The following SLIRP variants were observed in gnomAD, a reference collection of about 807,000 sequenced individuals.
SLIRP encodes the protein SRA stem-loop-interacting RNA-binding protein, mitochondrial.
In SLIRP, 12 loss-of-function variants were observed where a neutral mutation model predicts 13.4. The ratio of observed to expected loss-of-function variants is 0.89; its 90% CI spans 0.57 to 1.45. The LOEUF (loss-of-function observed/expected upper bound fraction) is 1.45, where lower values mean the gene tolerates loss of function less well. SLIRP is among the 40% of genes most tolerant of loss of function. The pLI is 0.00. For missense variants in SLIRP, 154 were observed against 132.2 expected (o/e 1.17, Z -0.81); for synonymous variants, 55 against 47.1 (o/e 1.17, Z -0.69).
chr14:77,712,981 T>C (rs1406097720), intron 2 of SLIRP, among the ~76,000 whole-genome samples: 7 of 151,314 alleles, frequency 4.6e-5, no homozygotes, highest in African/African-American at 1.5e-4. Flanking sequence ...TTACTTTCGC[T>C]GTATTCTTTT....
intron 2 of SLIRP, 29 bp downstream of exon 2, chr14:77,710,925 G>A (rs2080435401): frequency 2.5e-6 from 4 of 1,607,124 alleles, no homozygotes; most frequent in Non-Finnish European, 3.4e-6. Flanking sequence ...TAGGTGGGAG[G>A]TGGGGATGGC....
intron 3 of SLIRP, 48 bp downstream of exon 3, chr14:77,715,927 C>T: frequency 7.5e-7 from 1 of 1,328,120 alleles, no homozygotes; most frequent in South Asian, 1.2e-5. Flanking sequence ...CATGTAGGTA[C>T]TATTTAATTA....
At chr14:77,714,093 G>C (rs2080459029) in intron 2 of SLIRP, among the ~76,000 whole-genome samples, 1 of 151,856 alleles carries the variant, frequency 6.6e-6, no homozygotes, top group Admixed American at 6.6e-5. Flanking sequence ...CTGCAGGCTT[G>C]AACTCCTGGG....
At chr14:77,708,661 T>C (rs1471188244) in intron 1 of SLIRP, among the ~76,000 whole-genome samples, 2 of 152,186 alleles carry the variant, frequency 1.3e-5, no homozygotes, top group African/African-American at 4.8e-5. Context: ...CGTTTCGTGA[T>C]GGCTTAAGTG....
At chr14:77,717,355 G>C in intron 3 of SLIRP, 141 bp from the exon 4 acceptor site, 1 of 710,352 alleles carries the variant, frequency 1.4e-6, no homozygotes, top group African/African-American at 1.8e-5. Flanking sequence ...AGGAATTTGA[G>C]GAGAAAACGA....
chr14:77,715,988 T>G (rs2080474536), intron 3 of SLIRP, 109 bp downstream of exon 3: 1 of 906,202 alleles, frequency 1.1e-6, no homozygotes, highest in Non-Finnish European at 1.7e-6. Context: ...CTTGGAGAGA[T>G]TTGTAACTGA....
intron 2 of SLIRP, among the ~76,000 whole-genome samples, chr14:77,711,336 A>G (rs1412906895): frequency 6.6e-6 from 1 of 151,832 alleles, no homozygotes; most frequent in Admixed American, 6.6e-5. Flanking sequence ...GTGTTTTAAA[A>G]AATTCTTATC....
intron 1 of SLIRP, among the ~76,000 whole-genome samples, chr14:77,709,318 A>G (rs376533247): frequency 1.2e-4 from 18 of 152,180 alleles, no homozygotes; most frequent in African/African-American, 4.3e-4. Context: ...ATGGAGCAAG[A>G]TTTAGTTTCT....
In SLIRP at chr14:77,710,895, T is replaced by C; in HGVS notation, c.155T>C (p.Phe52Ser). Residue 52 changes from phenylalanine to serine, a missense_variant and splice_region_variant, in exon 2 of 4, where the codon TTT becomes TCT. Transcript: ENST00000557342. Reference sequence around the variant, plus strand: ...CATGTCAGAAGGTGCATTTTACCTTTTGTAAGTATTAAGGAAAAGTAGGTG... The same window carrying C: ...CATGTCAGAAGGTGCATTTTACCTTCTGTAAGTATTAAGGAAAAGTAGGTG... ...FGHVRRCILPFDKETGFHRGL... is the reference protein window; with the variant it reads ...FGHVRRCILPSDKETGFHRGL... 1.2e-6 allele frequency: 2 copies of C among 1,614,062 alleles called. 1 individual carries two copies. Among genetic ancestry groups the C allele is most frequent in the South Asian group, 2.2e-5 (2 of 91,078 alleles).
chr14:77,709,255 G>T (rs2080421414), intron 1 of SLIRP, among the ~76,000 whole-genome samples: 1 of 152,166 alleles, frequency 6.6e-6, no homozygotes, highest in African/African-American at 2.4e-5. Context: ...GTAAACATTC[G>T]TGGTCACTCT....
At chr14:77,708,278 C>T in intron 1 of SLIRP, 70 bp downstream of exon 1, 1 of 1,500,470 alleles carries the variant, frequency 6.7e-7, no homozygotes, top group Non-Finnish European at 9.3e-7. Context: ...CTGCTTTTTG[C>T]AGGGTACTTA....
At chr14:77,710,730 C>A in intron 1 of SLIRP, 108 bp from the exon 2 acceptor site, 1 of 1,579,248 alleles carries the variant, frequency 6.3e-7, no homozygotes, top group Non-Finnish European at 8.6e-7. Flanking sequence ...TAAGGAAATG[C>A]AAAGTAGTTC....
At chr14:77,712,105 C>T (rs1450572038) in intron 2 of SLIRP, 2 of 152,214 alleles carry the variant, frequency 1.3e-5, no homozygotes, top group South Asian at 2.1e-4. Context: ...CGTAATGGCT[C>T]AAAAACAACA....
At chr14:77,716,313 TCAAA>T (rs200025390) in intron 3 of SLIRP, 16,407 of 114,978 alleles carry the variant, frequency 0.14, 1,072 homozygotes, top group African/African-American at 0.22. Context: ...AGACTCCATC[TCAAA>T]CAAACAAACA....
At chr14:77,709,525 A>G (rs2080424085) in intron 1 of SLIRP, among the ~76,000 whole-genome samples, 1 of 152,238 alleles carries the variant, frequency 6.6e-6, no homozygotes, top group Non-Finnish European at 1.5e-5. Flanking sequence ...GGGCTAGTTT[A>G]AAACCCTTAA....
intron 2 of SLIRP, among the ~76,000 whole-genome samples, chr14:77,712,697 G>C (rs1192702489): frequency 6.6e-6 from 1 of 152,008 alleles, no homozygotes; most frequent in Non-Finnish European, 1.5e-5. Context: ...CCGCCCGCCT[G>C]GGCTTCCCAA....
Position 77,713,932 on chromosome 14 carries a change from C to T in SLIRP, c.157-1840C>T, listed in dbSNP as rs144377003. 7.5e-3 allele frequency among the ~76,000 whole-genome samples: 1,145 copies of T among 152,150 alleles called. 3 individuals carry two copies. Among genetic ancestry groups the T allele is most frequent in the Non-Finnish European group, 0.013 (857 of 67,988 alleles). On this transcript the variant is annotated intron_variant, in intron 2 of 3. Transcript: ENST00000557342. ...ATAGATCTTAGATTTAAATAAAAGG[C>T]GGCTTTGATGTTGGTAAAACAAAAT... is the stretch of plus-strand genomic sequence containing the variant.
intron 3 of SLIRP, among the ~76,000 whole-genome samples, chr14:77,717,179 A>G (rs931210710): frequency 6.6e-5 from 10 of 152,180 alleles, no homozygotes; most frequent in African/African-American, 2.4e-4. Context: ...TTAATGAGAC[A>G]GGGCCTTGCT....
At chr14:77,716,758 C>G (rs2080486285) in intron 3 of SLIRP, among the ~76,000 whole-genome samples, 1 of 151,118 alleles carries the variant, frequency 6.6e-6, no homozygotes, top group East Asian at 2.0e-4. Context: ...GTGGACATAA[C>G]AGTCTACTTT....
Sources: allele counts gnomAD v4.1 joint callset (sites outside exome capture counted in the v4.1 genomes callset), GRCh38; gene constraint gnomAD v4.1.1; transcripts MANE v1.5; gene names NCBI Gene and HGNC (gene_info 2026-07-23, HGNC 2026-07-21).